Variants in FBXL7 observed in about 807,000 individuals in gnomAD.
FBXL7 encodes the protein F-box and leucine rich repeat protein 7.
A neutral mutation model predicts 38.3 loss-of-function variants in FBXL7; 12 were observed. The observed-to-expected ratio is 0.31, with a 90% confidence interval of 0.20 to 0.51. The LOEUF is 0.51. Ranked by LOEUF, FBXL7 falls within the 20% of genes least tolerant of loss-of-function variation. The pLI, the probability that FBXL7 is intolerant of heterozygous loss-of-function variation, is 0.98. For synonymous variants in FBXL7, 297 were observed against 300.9 expected, an observed-to-expected ratio of 0.99 and a Z score of 0.13; for missense variants, 567 against 676.4, an observed-to-expected ratio of 0.84 and a Z score of 1.79.
chr5:15,679,558 GTTTT>G (rs34375125), intron 2 of FBXL7, among the ~76,000 whole-genome samples: 1,457 of 125,110 alleles, frequency 0.012, 24 homozygotes, highest in East Asian at 0.056. Flanking sequence ...ATGCTTCATT[GTTTT>G]TTTTTTTTTT....
At chr5:15,530,470 A>G (rs1561016998) in intron 1 of FBXL7, among the ~76,000 whole-genome samples, 1 of 152,156 alleles carries the variant, frequency 6.6e-6, no homozygotes, top group Non-Finnish European at 1.5e-5. Flanking sequence ...TGTTCTTAGT[A>G]TGGTGCATAA....
At chr5:15,691,369 G>A (rs973858236) in intron 2 of FBXL7, among the ~76,000 whole-genome samples, 7 of 152,108 alleles carry the variant, frequency 4.6e-5, no homozygotes, top group Non-Finnish European at 7.3e-5. Flanking sequence ...TTTCATATTC[G>A]GACCTTTGCA....
In FBXL7 at chr5:15,928,596, A is replaced by G. The variant is rs1229816949; in HGVS notation, c.739+95A>G. On this transcript the variant is annotated intron_variant, in intron 3 of 3. Coordinates refer to ENST00000504595, the MANE Select transcript of FBXL7 (RefSeq NM_012304.5). This position sits in a 1 kb window ranked among gnomAD's most constrained non-coding sequence, Gnocchi z 4.0. ...CACCACCGGAGGGTCCTCTTCTTGCAAGCCATCAGAGATGGGGGCGGGTGG... is the reference window on the plus strand; with the variant it reads ...CACCACCGGAGGGTCCTCTTCTTGCGAGCCATCAGAGATGGGGGCGGGTGG... 3 of 1,478,004 alleles carry G rather than the reference A, an allele frequency of 2.0e-6. No individual in the cohort carries two copies. In the Admixed American group the frequency reaches 6.3e-5, roughly 31 times the overall value. 91.6% of individuals were successfully genotyped at this position (1,478,004 alleles called of 1,614,324 possible).
chr5:15,709,189 A>G (rs7704590), intron 2 of FBXL7, among the ~76,000 whole-genome samples: 113,122 of 152,090 alleles, frequency 0.74, 42,340 homozygotes, highest in East Asian at 0.88. Flanking sequence ...CTGCTCACAA[A>G]GAACATACAG....
At position 15,923,715 on chromosome 5, in the gene FBXL7, T is replaced by G. The variant is rs76733105; in HGVS notation, c.128-4175T>G. Among the ~76,000 whole-genome samples the G allele has an allele frequency of 5.5e-3, 833 of 152,318 alleles. 4 individuals carry two copies. The highest frequency in any genetic ancestry group is 0.019 in the African/African-American group (793 of 41,576). On this transcript the variant is annotated intron_variant, in intron 2 of 3. Transcript: ENST00000504595. ...CATCTTTTCAAAAGTTCCCTGAGGT[T>G]GTTGGCCTGCTGTAGGAATAGCAGG...
intron 2 of FBXL7, among the ~76,000 whole-genome samples, chr5:15,672,968 A>AT (rs1742530761): frequency 6.6e-6 from 1 of 152,058 alleles, no homozygotes. Flanking sequence ...GTTCCACCAG[A>AT]TTTTCCAGAT....
chr5:15,861,497 A>G (rs1020446175), intron 2 of FBXL7, among the ~76,000 whole-genome samples: 2 of 152,206 alleles, frequency 1.3e-5, no homozygotes, highest in African/African-American at 2.4e-5. Context: ...AAGGACATCT[A>G]TACTGACTCA....
chr5:15,531,910 C>A (rs1315603978), intron 1 of FBXL7, among the ~76,000 whole-genome samples: 1 of 152,090 alleles, frequency 6.6e-6, no homozygotes, highest in Admixed American at 6.6e-5. Flanking sequence ...TTAAAGAAAC[C>A]CTTTGCTGGT....
intron 2 of FBXL7, among the ~76,000 whole-genome samples, chr5:15,800,802 A>G (rs1334521230): frequency 6.6e-6 from 1 of 152,178 alleles, no homozygotes; most frequent in Non-Finnish European, 1.5e-5. Flanking sequence ...AAGGCTAGTT[A>G]CCTCGGAAGT....
intron 2 of FBXL7, among the ~76,000 whole-genome samples, chr5:15,894,904 T>A (rs908440939): frequency 6.6e-6 from 1 of 152,146 alleles, no homozygotes; most frequent in Non-Finnish European, 1.5e-5. Context: ...GCTAATTTTT[T>A]AAAAGGTGAT....
At chr5:15,712,544 G>A (rs1485586873) in intron 2 of FBXL7, among the ~76,000 whole-genome samples, 1 of 152,070 alleles carries the variant, frequency 6.6e-6, no homozygotes, top group Non-Finnish European at 1.5e-5. Context: ...TCTGTTACTG[G>A]AAGGCAGGAA....
intron 2 of FBXL7, among the ~76,000 whole-genome samples, chr5:15,826,726 A>G (rs1738321392): frequency 6.6e-6 from 1 of 152,108 alleles, no homozygotes; most frequent in Admixed American, 6.6e-5. Context: ...GCCAGCACCA[A>G]CATTTTCTGT....
intron 2 of FBXL7, among the ~76,000 whole-genome samples, chr5:15,639,154 TC>T (rs1741277145): frequency 6.6e-6 from 1 of 152,190 alleles, no homozygotes; most frequent in African/African-American, 2.4e-5. Context: ...ATTCTTAGGT[TC>T]CCAAATTGCA....
chr5:15,652,153 G>T (rs1741729790), intron 2 of FBXL7, among the ~76,000 whole-genome samples: 1 of 152,170 alleles, frequency 6.6e-6, no homozygotes, highest in Non-Finnish European at 1.5e-5. Flanking sequence ...GAATGTTAAG[G>T]CTGGTTTGAT....
intron 2 of FBXL7, among the ~76,000 whole-genome samples, chr5:15,900,374 CAAAG>C (rs1561181754): frequency 1.3e-5 from 2 of 152,064 alleles, no homozygotes; most frequent in African/African-American, 4.8e-5. Context: ...CAAAGAACTG[CAAAG>C]AAAGAAGAAA....
intron 2 of FBXL7, among the ~76,000 whole-genome samples, chr5:15,912,668 A>G (rs1179830905): frequency 6.6e-6 from 1 of 152,158 alleles, no homozygotes; most frequent in South Asian, 2.1e-4. Flanking sequence ...ATTAAAAAAA[A>G]AAGAAGTATG....
intron 2 of FBXL7, among the ~76,000 whole-genome samples, chr5:15,817,638 C>T (rs1268398526): frequency 1.3e-5 from 2 of 152,072 alleles, no homozygotes; most frequent in African/African-American, 4.8e-5. Context: ...GCTCTCATAA[C>T]AGTGAATAAG....
intron 2 of FBXL7, among the ~76,000 whole-genome samples, chr5:15,635,912 C>A (rs1741174208): frequency 7.8e-6 from 1 of 128,932 alleles, no homozygotes; most frequent in Non-Finnish European, 1.7e-5. Flanking sequence ...CCATTTTTAG[C>A]CTTTTTTTTT....
chr5:15,913,240 C>CTT (rs71605517), intron 2 of FBXL7, among the ~76,000 whole-genome samples: 28,828 of 144,128 alleles, frequency 0.2, 3,798 homozygotes, highest in African/African-American at 0.38. Flanking sequence ...ATCATATTTT[C>CTT]TTTTTTTTTT....
Sources: gnomAD v4.1 joint callset for allele counts (sites outside exome capture counted in the v4.1 genomes callset) on GRCh38, gnomAD v4.1.1 for gene constraint, Gnocchi (gnomAD v3.1) non-coding constraint, MANE v1.5 for transcripts, NCBI Gene and HGNC (gene_info 2026-07-23, HGNC 2026-07-21) for gene names.